The following LIMS1 variants were observed in gnomAD, a reference collection of about 807,000 sequenced individuals.
The protein encoded by LIMS1 is LIM zinc finger domain containing 1, also known as LIM and senescent cell antigen-like-containing domain protein 1.
A neutral mutation model predicts 44.1 loss-of-function variants in LIMS1; 18 were observed. That is an observed-to-expected ratio of 0.41 (90% CI 0.28 to 0.61). The LOEUF (loss-of-function observed/expected upper bound fraction) is 0.61. Ranked by LOEUF, LIMS1 falls within the 20% of genes least tolerant of loss-of-function variation. The pLI is 0.32. For missense variants in LIMS1, 201 were observed against 422.0 expected, an observed-to-expected ratio of 0.48 and a Z score of 4.59; for synonymous variants, 93 against 149.1, an observed-to-expected ratio of 0.62 and a Z score of 2.74.
exon 10 of LIMS1, chr2:108,684,272 A>G (rs1226902889): frequency 2.3e-5 from 4 of 175,946 alleles, no homozygotes; most frequent in African/African-American, 7.1e-5. Flanking sequence ...TTAAATTTTA[A>G]TTAAGGCCCC....
At chr2:108,659,887 A>T in intron 2 of LIMS1, 123 bp downstream of exon 2, 1 of 1,459,918 alleles carries the variant, frequency 6.8e-7, no homozygotes, top group East Asian at 2.3e-5. Context: ...TGCCACATGC[A>T]TGCCAGGTAT....
At chr2:108,575,876 CA>C (rs1337959307) in intron 1 of LIMS1, among the ~76,000 whole-genome samples, 1 of 151,914 alleles carries the variant, frequency 6.6e-6, no homozygotes, top group African/African-American at 2.4e-5. Context: ...ATTTTGTAGC[CA>C]AAACCAAACC....
chr2:108,577,286 T>G (rs1361364122), intron 1 of LIMS1, among the ~76,000 whole-genome samples: 1 of 152,232 alleles, frequency 6.6e-6, no homozygotes, highest in East Asian at 1.9e-4. Context: ...TAATACAGAC[T>G]CACTTCCGTG....
At chr2:108,589,798 T>G (rs1298225105) in intron 1 of LIMS1, among the ~76,000 whole-genome samples, 1 of 152,194 alleles carries the variant, frequency 6.6e-6, no homozygotes, top group Non-Finnish European at 1.5e-5. Context: ...GATAGTTGTT[T>G]AGGAGCATAT....
chr2:108,668,727 C>T (rs916434348), intron 2 of LIMS1, among the ~76,000 whole-genome samples: 6 of 152,108 alleles, frequency 3.9e-5, no homozygotes, highest in African/African-American at 1.4e-4. Flanking sequence ...GATATATTCC[C>T]AGTAGTGAGA....
chr2:108,633,359 T>A (rs928020942), intron 1 of LIMS1, among the ~76,000 whole-genome samples: 1 of 152,238 alleles, frequency 6.6e-6, no homozygotes, highest in Non-Finnish European at 1.5e-5. Flanking sequence ...TTAAATAGGC[T>A]TAAATTATTG....
chr2:108,623,433 T>C (rs1242791946), intron 1 of LIMS1, among the ~76,000 whole-genome samples: 3 of 152,114 alleles, frequency 2.0e-5, no homozygotes, highest in Non-Finnish European at 4.4e-5. Context: ...AGGATAAAAA[T>C]AACTACTATT....
chr2:108,578,715 T>A (rs1350344280), intron 1 of LIMS1, among the ~76,000 whole-genome samples: 1 of 146,348 alleles, frequency 6.8e-6, no homozygotes, highest in African/African-American at 2.5e-5. Context: ...TGCCTCAGCC[T>A]CCCAAGTAGC....
chr2:108,632,876 T>C (rs1228494865), intron 1 of LIMS1, among the ~76,000 whole-genome samples: 2 of 152,182 alleles, frequency 1.3e-5, no homozygotes, highest in Non-Finnish European at 2.9e-5. Flanking sequence ...TTACAGGCAA[T>C]CTGTACCTGC....
Position 108,595,682 on chromosome 2 carries a change from G to GT in LIMS1, c.32+61089dup, listed in dbSNP as rs200679612. On this transcript the variant is annotated intron_variant, in intron 1 of 9. Coordinates refer to ENST00000544547, the Ensembl canonical transcript of LIMS1. ...TACTAGGAATCAGTGTACCCCCCAG[G>GT]TCCTGTTCTTGGCTCTCAACTGTGG... 5.3e-5 allele frequency among the ~76,000 whole-genome samples: 8 copies of GT among 152,142 alleles called. No individual in the cohort carries two copies. In the East Asian group the frequency reaches 1.2e-3, roughly 22 times the overall value.
chr2:108,614,037 A>G (rs1687801340), intron 1 of LIMS1, among the ~76,000 whole-genome samples: 1 of 152,164 alleles, frequency 6.6e-6, no homozygotes, highest in East Asian at 1.9e-4. Flanking sequence ...AGCAGACCCC[A>G]GCCTAGGTTA....
At chr2:108,675,396 A>G (rs1263139100) in intron 5 of LIMS1, among the ~76,000 whole-genome samples, 3 of 152,098 alleles carry the variant, frequency 2.0e-5, no homozygotes, top group Non-Finnish European at 4.4e-5. Flanking sequence ...CCTCAGTAAC[A>G]GCGTTAATCC....
At chr2:108,628,385 A>G (rs1265021869) in intron 1 of LIMS1, among the ~76,000 whole-genome samples, 1 of 152,194 alleles carries the variant, frequency 6.6e-6, no homozygotes, top group Non-Finnish European at 1.5e-5. Flanking sequence ...AAATCAGGCC[A>G]AGAGTCATTT....
intron 1 of LIMS1, among the ~76,000 whole-genome samples, chr2:108,628,250 C>T (rs923819742): frequency 2.0e-5 from 3 of 152,230 alleles, no homozygotes; most frequent in African/African-American, 7.2e-5. Flanking sequence ...CCATTGTCTC[C>T]TCAGCCCTGC....
At chr2:108,554,304 A>G (rs957237220) in intron 1 of LIMS1, among the ~76,000 whole-genome samples, 1 of 152,086 alleles carries the variant, frequency 6.6e-6, no homozygotes, top group African/African-American at 2.4e-5. Flanking sequence ...TGCCCTTTAC[A>G]TCTTCTTCAG....
chr2:108,675,313 T>G (rs1692458721), intron 5 of LIMS1, among the ~76,000 whole-genome samples: 2 of 150,108 alleles, frequency 1.3e-5, no homozygotes, highest in Admixed American at 6.7e-5. Context: ...GGGCATCACA[T>G]GGTGGGGGAA....
chr2:108,657,486 T>G (rs568195043), intron 1 of LIMS1, among the ~76,000 whole-genome samples: 1 of 152,370 alleles, frequency 6.6e-6, no homozygotes, highest in East Asian at 1.9e-4. Context: ...ATGTGGAGCT[T>G]ACCGTGCTCC....
chr2:108,606,819 A>C (rs1033536112), intron 1 of LIMS1, among the ~76,000 whole-genome samples: 3 of 152,234 alleles, frequency 2.0e-5, no homozygotes, highest in Non-Finnish European at 2.9e-5. Context: ...GTTCATCCAC[A>C]TAGAGAAATG....
At chr2:108,534,414 C>T (rs1001947477) in exon 1 of LIMS1, 9 of 433,808 alleles carry the variant, frequency 2.1e-5, no homozygotes, top group African/African-American at 1.1e-4. Context: ...CCCCCCCTCC[C>T]GCGCCCCCGC....
Sources: allele counts gnomAD v4.1 joint callset (sites outside exome capture counted in the v4.1 genomes callset), GRCh38; gene constraint gnomAD v4.1.1; transcripts MANE v1.5; gene names NCBI Gene and HGNC (gene_info 2026-07-23, HGNC 2026-07-21).